Variants in PPARGC1A observed in about 807,000 individuals in gnomAD.
PPARGC1A encodes the protein peroxisome proliferator-activated receptor gamma coactivator 1-alpha.
PPARGC1A carries 25 observed loss-of-function variants against 88.7 expected under a neutral mutation model. The ratio of observed to expected loss-of-function variants is 0.28; its 90% CI spans 0.21 to 0.39. PPARGC1A has a LOEUF of 0.39. Ranked by LOEUF, PPARGC1A falls within the 10% of genes least tolerant of loss-of-function variation. The pLI is 1.00. For missense variants in PPARGC1A, 880 were observed against 968.7 expected, an observed-to-expected ratio of 0.91 and a Z score of 1.22; for synonymous variants, 363 against 355.6, an observed-to-expected ratio of 1.02 and a Z score of -0.24.
the PPARGC1A span, among the ~76,000 whole-genome samples, chr4:24,243,414 C>A: frequency 3.9e-5 from 6 of 152,254 alleles, no homozygotes; most frequent in South Asian, 1.2e-3. Flanking sequence ...TGGAATGCAT[C>A]AGGAATGGTC....
chr4:24,403,529 T>A, the PPARGC1A span, among the ~76,000 whole-genome samples: 1 of 152,166 alleles, frequency 6.6e-6, no homozygotes, highest in Admixed American at 6.5e-5. Flanking sequence ...TTCCACCCAG[T>A]GCGGCACCCT....
the PPARGC1A span, among the ~76,000 whole-genome samples, chr4:24,439,234 C>CCCCTAAGGCTAAACGCAGCA: frequency 1.3e-5 from 2 of 152,170 alleles, no homozygotes; most frequent in African/African-American, 2.4e-5. Context: ...GGCTTTCCAA[C>CCCCTAAGGCTAAACGCAGCA]CCCTAAGGCT....
the PPARGC1A span, among the ~76,000 whole-genome samples, chr4:24,282,099 T>C: frequency 6.6e-6 from 1 of 152,192 alleles, no homozygotes; most frequent in African/African-American, 2.4e-5. Flanking sequence ...ATGTGAACAT[T>C]ACAGCAACCC....
the PPARGC1A span, among the ~76,000 whole-genome samples, chr4:23,992,867 A>G: frequency 6.6e-5 from 10 of 152,262 alleles, no homozygotes; most frequent in Middle Eastern, 3.4e-3. Context: ...TGAAGAGCCA[A>G]TGAAAGCACA....
the PPARGC1A span, among the ~76,000 whole-genome samples, chr4:24,228,909 G>A: frequency 6.6e-6 from 1 of 152,090 alleles, no homozygotes; most frequent in African/African-American, 2.4e-5. Context: ...GGGTTACTGG[G>A]GGAATTTGTT....
At chr4:24,127,514 T>C in the PPARGC1A span, among the ~76,000 whole-genome samples, 53 of 152,144 alleles carry the variant, frequency 3.5e-4, no homozygotes, top group African/African-American at 1.3e-3. Flanking sequence ...CCAAGAATCA[T>C]ATGATTAACT....
chr4:23,893,190 A>C (rs558572166), upstream of PPARGC1A, among the ~76,000 whole-genome samples: 5,571 of 147,316 alleles, frequency 0.038, 217 homozygotes, highest in African/African-American at 0.1. Context: ...AAAAAAAAAA[A>C]CCTCAAGAGA....
At chr4:23,834,225 G>C (rs533424776) in intron 2 of PPARGC1A, among the ~76,000 whole-genome samples, 1 of 152,136 alleles carries the variant, frequency 6.6e-6, no homozygotes, top group Non-Finnish European at 1.5e-5. Flanking sequence ...GTGTGAACCC[G>C]GGGGGTGGAG....
intron 2 of PPARGC1A, among the ~76,000 whole-genome samples, chr4:23,836,101 A>G (rs549585793): frequency 2.2e-4 from 33 of 152,310 alleles, no homozygotes; most frequent in African/African-American, 6.7e-4. Context: ...TAATTGTTTG[A>G]AAATACTATT....
the PPARGC1A span, among the ~76,000 whole-genome samples, chr4:23,967,502 C>A: frequency 1.3e-5 from 2 of 151,942 alleles, no homozygotes; most frequent in Non-Finnish European, 2.9e-5. Context: ...TCTGCCGACT[C>A]GGGAACCGGG....
chr4:24,364,108 C>T, the PPARGC1A span, among the ~76,000 whole-genome samples: 1 of 152,140 alleles, frequency 6.6e-6, no homozygotes, highest in African/African-American at 2.4e-5. Context: ...GCCACAACTG[C>T]AAAATCAACA....
the PPARGC1A span, among the ~76,000 whole-genome samples, chr4:24,394,814 A>G: frequency 5.3e-5 from 8 of 152,260 alleles, no homozygotes; most frequent in African/African-American, 1.9e-4. Flanking sequence ...ACTTGTAAGA[A>G]GCATCCAATT....
chr4:23,932,452 A>C, the PPARGC1A span, among the ~76,000 whole-genome samples: 1 of 152,208 alleles, frequency 6.6e-6, no homozygotes. Flanking sequence ...GTCAAAGCTC[A>C]GGAGTGCCCC....
the PPARGC1A span, among the ~76,000 whole-genome samples, chr4:24,077,408 A>G: frequency 1.3e-5 from 2 of 152,242 alleles, no homozygotes; most frequent in East Asian, 3.9e-4. Flanking sequence ...CCATTATTTT[A>G]TTCCCATGGC....
At chr4:24,039,438 G>A in the PPARGC1A span, among the ~76,000 whole-genome samples, 1 of 152,118 alleles carries the variant, frequency 6.6e-6, no homozygotes, top group African/African-American at 2.4e-5. Context: ...GCTCCCTTCT[G>A]GATAGTTCTA....
chr4:24,008,705 A>C, the PPARGC1A span, among the ~76,000 whole-genome samples: 1 of 6,980 alleles, frequency 1.4e-4, no homozygotes, highest in Non-Finnish European at 3.1e-4. Context: ...CTTTTGATAT[A>C]AAAAAAAAAA....
chr4:23,803,108 A>C (rs1366144135), intron 10 of PPARGC1A, among the ~76,000 whole-genome samples: 1 of 152,194 alleles, frequency 6.6e-6, no homozygotes, highest in East Asian at 1.9e-4. Flanking sequence ...GAGATGAACA[A>C]ACTCTGACGT....
the PPARGC1A span, among the ~76,000 whole-genome samples, chr4:24,419,499 C>T: frequency 6.7e-6 from 1 of 148,490 alleles, no homozygotes; most frequent in East Asian, 2.0e-4. Context: ...CCTACAATCC[C>T]GAAAAACACA....
chr4:24,346,817 G>C, the PPARGC1A span, among the ~76,000 whole-genome samples: 1 of 152,032 alleles, frequency 6.6e-6, no homozygotes, highest in Admixed American at 6.5e-5. Context: ...GCTGGGTTTG[G>C]GTTTGGTTTG....
Sources: gnomAD v4.1 joint callset for allele counts (sites outside exome capture counted in the v4.1 genomes callset) on GRCh38, gnomAD v4.1.1 for gene constraint, MANE v1.5 for transcripts, NCBI Gene and HGNC (gene_info 2026-07-23, HGNC 2026-07-21) for gene names.